Variants in SMYD1 observed in about 807,000 individuals in gnomAD.
SMYD1 encodes the protein histone-lysine N-methyltransferase SMYD1.
In SMYD1, 49 loss-of-function variants were observed where a neutral mutation model predicts 54.0. The observed-to-expected ratio is 0.91, with a 90% CI of 0.72 to 1.15. The LOEUF is 1.15. SMYD1 is among the 50% of genes most tolerant of loss of function. The pLI, the probability that SMYD1 is intolerant of heterozygous loss-of-function variation, is 0.00. For missense variants in SMYD1, 653 were observed against 639.6 expected, an observed-to-expected ratio of 1.02 and a Z score of -0.23; for synonymous variants, 269 against 234.2, an observed-to-expected ratio of 1.15 and a Z score of -1.36.
intron 3 of SMYD1, 32 bp downstream of exon 3, chr2:88,088,107 C>A (rs750472028): frequency 6.4e-7 from 1 of 1,571,852 alleles, no homozygotes; most frequent in South Asian, 1.2e-5. Flanking sequence ...TCCATCCTCC[C>A]TGTCTGTCTC....
intron 2 of SMYD1, among the ~76,000 whole-genome samples, chr2:88,087,194 T>A (rs1429471710): frequency 2.6e-5 from 4 of 151,694 alleles, no homozygotes; most frequent in African/African-American, 9.7e-5. Context: ...CTATTTTCCC[T>A]ATTTTACAAG....
intron 6 of SMYD1, among the ~76,000 whole-genome samples, chr2:88,097,803 G>A (rs1674627840): frequency 1.3e-5 from 2 of 149,894 alleles, no homozygotes; most frequent in Non-Finnish European, 3.0e-5. Flanking sequence ...ACATTAAAAG[G>A]CACACACACA....
At chr2:88,080,001 T>C (rs1396669362) in intron 1 of SMYD1, among the ~76,000 whole-genome samples, 1 of 152,218 alleles carries the variant, frequency 6.6e-6, no homozygotes, top group Non-Finnish European at 1.5e-5. Flanking sequence ...TTACATATCT[T>C]TTAATAAACA....
intron 1 of SMYD1, chr2:88,082,558 G>C (rs1197805051): frequency 1.3e-5 from 2 of 154,364 alleles, no homozygotes; most frequent in East Asian, 3.9e-4. Context: ...GTCAGGCCTG[G>C]CCTTTGGGCT....
intron 1 of SMYD1, among the ~76,000 whole-genome samples, chr2:88,075,909 C>G (rs1025226174): frequency 6.6e-6 from 1 of 152,274 alleles, no homozygotes; most frequent in Non-Finnish European, 1.5e-5. Context: ...TCTCATCCAA[C>G]GGCTAACTCT....
rs759279575 is a variant in SMYD1, at chr2:88,106,387, C to G, written c.1044C>G (p.Ile348Met). ...AGCCAGTGTTTGCTGACACCAACAT[C>G]TACATGCTGCGGATGCTGAGCATTG... ...KQEPVFADTN[I>M]YMLRMLSIVS... Residue 348 changes from isoleucine (I) to methionine (M), a missense_variant, in exon 8 of 10, where the codon ATC (isoleucine) becomes ATG (methionine). Physicochemically the swap from Ile to Met is conservative, Grantham distance 10. Transcript: ENST00000419482. The G allele has an allele frequency of 2.5e-6, 4 of 1,614,216 alleles. No homozygotes were observed. The highest frequency in any genetic ancestry group is 3.4e-6 in the Non-Finnish European group (4 of 1,180,038).
intron 1 of SMYD1, among the ~76,000 whole-genome samples, chr2:88,075,778 A>T (rs1225587012): frequency 1.3e-5 from 2 of 152,062 alleles, no homozygotes; most frequent in African/African-American, 2.4e-5. Context: ...CCTGGGCTCA[A>T]GTGATCCTCC....
chr2:88,087,765 C>A, intron 2 of SMYD1, 97 bp from the exon 3 acceptor site: 1 of 1,089,180 alleles, frequency 9.2e-7, no homozygotes, highest in Non-Finnish European at 1.3e-6. Context: ...GTATCTTGGG[C>A]CCAACATTGT....
chr2:88,106,622 C>G, intron 8 of SMYD1, 134 bp downstream of exon 8: 1 of 902,252 alleles, frequency 1.1e-6, no homozygotes, highest in Non-Finnish European at 1.7e-6. Flanking sequence ...TCATGGTTCT[C>G]TTTTTGACTG....
In SMYD1 at chr2:88,112,290, T is replaced by A. The variant is rs886626198; in HGVS notation, c.*1778T>A. On this transcript the variant is annotated 3_prime_UTR_variant, in exon 10 of 10. Coordinates refer to ENST00000419482, the MANE Select transcript of SMYD1 (RefSeq NM_198274.4). ...TGCTAAGCCCCTGGTCATTTCCCCA[T>A]ATTCGTAGTCTTTTTTTCCATCCTA... 3 of 622,416 alleles carry A rather than the reference T, an allele frequency of 4.8e-6. No individual in the cohort carries two copies. Among genetic ancestry groups the A allele is most frequent in the Non-Finnish European group, 8.6e-6 (3 of 348,014 alleles). The allele number at this position is 622,416 out of a possible 1,614,324, so 38.6% of individuals were successfully genotyped here.
chr2:88,068,292 A>G (rs552502720), intron 1 of SMYD1, among the ~76,000 whole-genome samples: 24 of 152,282 alleles, frequency 1.6e-4, no homozygotes, highest in African/African-American at 5.1e-4. Context: ...GGGAGTGGAA[A>G]GGTGGGTGTG....
intron 6 of SMYD1, among the ~76,000 whole-genome samples, chr2:88,100,703 G>A (rs1250477724): frequency 1.3e-5 from 2 of 152,206 alleles, no homozygotes; most frequent in African/African-American, 4.8e-5. Context: ...CATGATTTGA[G>A]TTCACAGAGG....
In SMYD1 at chr2:88,094,686, C is replaced by T. The variant is rs142385292; in HGVS notation, c.698+1131C>T. 4.2e-3 allele frequency among the ~76,000 whole-genome samples: 647 copies of T among 152,264 alleles called. 7 individuals carry two copies. The highest frequency in any genetic ancestry group is 0.015 in the African/African-American group (630 of 41,536). On this transcript the variant is annotated intron_variant, in intron 5 of 9. Coordinates refer to ENST00000419482, the MANE Select transcript of SMYD1 (RefSeq NM_198274.4). ...TTCTAATACCATTGAAATAATCAGA[C>T]ACCCTGAGACCGTGCAAGAATTGGC... is the stretch of plus-strand genomic sequence containing the variant.
chr2:88,111,765 A>T lies in SMYD1; in HGVS notation c.*1253A>T, dbSNP rs1675028757. On this transcript the variant is annotated 3_prime_UTR_variant, in exon 10 of 10. Transcript: ENST00000419482. ...CAACCAGTCCCAAGATTAGCCTGTTATCCTGTTATCTACTGAGACCCCAAA... is the reference window on the plus strand; with the variant it reads ...CAACCAGTCCCAAGATTAGCCTGTTTTCCTGTTATCTACTGAGACCCCAAA... The T allele has an allele frequency of 6.8e-6, 2 of 293,318 alleles. No homozygotes were observed. Among genetic ancestry groups the T allele is most frequent in the East Asian group, 6.4e-5 (1 of 15,698 alleles). 18.2% of individuals were successfully genotyped at this position (293,318 alleles called of 1,614,324 possible). A position where few individuals can be genotyped will look rare whatever the true frequency, so the allele number is the denominator to read the frequency against.
intron 1 of SMYD1, among the ~76,000 whole-genome samples, chr2:88,076,364 G>T (rs981473768): frequency 6.6e-6 from 1 of 152,110 alleles, no homozygotes; most frequent in Non-Finnish European, 1.5e-5. Flanking sequence ...ACAGGCGCCC[G>T]CCACCACGCC....
At chr2:88,089,563 T>TCAGG (rs1353623252) in intron 3 of SMYD1, among the ~76,000 whole-genome samples, 1 of 150,002 alleles carries the variant, frequency 6.7e-6, no homozygotes, top group Admixed American at 6.6e-5. Flanking sequence ...GTCTGTATTT[T>TCAGG]CAGGAGCCAG....
rs80278080 is a variant in SMYD1 at position 88,076,608 on chromosome 2, G to A, written c.138-7708G>A. Among the ~76,000 whole-genome samples, 1,005 of 152,210 alleles carry A rather than the reference G, an allele frequency of 6.6e-3. 18 individuals carry two copies. The highest frequency in any genetic ancestry group is 0.023 in the African/African-American group (965 of 41,520). On this transcript the variant is annotated intron_variant, in intron 1 of 9. Transcript: ENST00000419482. ...AATACTTGCAGAATGAAGCAGGGAG[G>A]GAAGGAAAGACAGAGGGAAAGAAGA...
intron 1 of SMYD1, among the ~76,000 whole-genome samples, chr2:88,080,489 T>C (rs1326239584): frequency 6.6e-6 from 1 of 152,118 alleles, no homozygotes; most frequent in Non-Finnish European, 1.5e-5. Flanking sequence ...TGGTGTGGGG[T>C]TGCTCTCTGA....
At position 88,112,794 on chromosome 2, in the gene SMYD1, G is replaced by A. The variant is rs1675058680; in HGVS notation, c.*2282G>A. On this transcript the variant is annotated 3_prime_UTR_variant, in exon 10 of 10. Transcript: ENST00000419482. ...ACCCACTTCCCTGTGATGATCTTCT[G>A]ATCTAGTTTCTCAGGTTCCTTCGCT... is the stretch of plus-strand genomic sequence containing the variant. 6.6e-6 allele frequency: 1 copy of A among 152,242 alleles called. No homozygotes were observed. Among genetic ancestry groups the A allele is most frequent in the South Asian group, 2.1e-4 (1 of 4,830 alleles). 9.4% of individuals were successfully genotyped at this position (152,242 alleles called of 1,614,324 possible). A position where few individuals can be genotyped will look rare whatever the true frequency, so the allele number is the denominator to read the frequency against.
Sources: gnomAD v4.1 joint callset for allele counts (sites outside exome capture counted in the v4.1 genomes callset) on GRCh38, gnomAD v4.1.1 for gene constraint, MANE v1.5 for transcripts, NCBI Gene and HGNC (gene_info 2026-07-23, HGNC 2026-07-21) for gene names.